Variants in GLS observed in about 807,000 individuals in gnomAD.
GLS encodes glutaminase kidney isoform, mitochondrial.
GLS carries 36 observed loss-of-function variants against 86.7 expected under a neutral mutation model. The ratio of observed to expected loss-of-function variants is 0.42; its 90% CI spans 0.32 to 0.55. The LOEUF (loss-of-function observed/expected upper bound fraction) is 0.55, where lower values mean the gene tolerates loss of function less well. Ranked by LOEUF, GLS falls within the 20% of genes least tolerant of loss-of-function variation. The probability of loss-of-function intolerance (pLI) is 0.17; values close to 1 mark genes in which losing one functional copy is unlikely to be tolerated. For synonymous variants in GLS, 317 were observed against 305.9 expected (o/e 1.04, Z -0.38); for missense variants, 528 against 833.4 (o/e 0.63, Z 4.51).
chr2:190,906,070 A>G (rs1689126280), intron 6 of GLS, among the ~76,000 whole-genome samples: 1 of 151,992 alleles, frequency 6.6e-6, no homozygotes, highest in Non-Finnish European at 1.5e-5. Context: ...GAGCAGTTAC[A>G]TTTTCTTTCC....
intron 14 of GLS, 95 bp downstream of exon 14, chr2:190,931,732 G>T: frequency 1.7e-6 from 1 of 585,318 alleles, no homozygotes. Flanking sequence ...TTTGTTAGTG[G>T]CCTCGGGTCT....
chr2:190,890,883 C>T (rs1165077592), intron 1 of GLS, among the ~76,000 whole-genome samples: 1 of 150,094 alleles, frequency 6.7e-6, no homozygotes, highest in Non-Finnish European at 1.5e-5. Context: ...AAGAGTTATG[C>T]GAAAAAAAAA....
Position 190,954,126 on chromosome 2 carries a change from A to G in GLS, c.1713-458A>G, listed in dbSNP as rs951131393. 6.6e-6 allele frequency among the ~76,000 whole-genome samples: 1 copy of G among 151,834 alleles called. No homozygotes were observed. Among genetic ancestry groups the G allele is most frequent in the Non-Finnish European group, 1.5e-5 (1 of 67,966 alleles). ...TTTTTTTCTCCCATTAATACCTCAAATAACTGATTTTCAAAGTGGAAAAAT... is the reference window on the plus strand; with the variant it reads ...TTTTTTTCTCCCATTAATACCTCAAGTAACTGATTTTCAAAGTGGAAAAAT... On this transcript the variant is annotated intron_variant, in intron 15 of 17. Coordinates refer to ENST00000320717, the MANE Select transcript of GLS (RefSeq NM_014905.5). The surrounding 1 kb of genome is among the most constrained non-coding windows in gnomAD (Gnocchi z 4.0).
intron 7 of GLS, among the ~76,000 whole-genome samples, chr2:190,912,266 G>A (rs1214530730): frequency 6.6e-6 from 1 of 151,512 alleles, no homozygotes; most frequent in Non-Finnish European, 1.5e-5. Flanking sequence ...AGTTGGAAAT[G>A]AGGCTTCAGG....
intron 14 of GLS, chr2:190,933,532 G>T: frequency 1.1e-6 from 1 of 942,224 alleles, no homozygotes; most frequent in South Asian, 4.9e-5. Flanking sequence ...GTTATATACA[G>T]GAGTGTCTTA....
At chr2:190,886,322 GT>G in intron 1 of GLS, among the ~76,000 whole-genome samples, 1 of 152,124 alleles carries the variant, frequency 6.6e-6, no homozygotes, top group Non-Finnish European at 1.5e-5. Context: ...TTAATTTATA[GT>G]TTTATTAATA....
At chr2:190,928,708 C>CTTT (rs34693346) in intron 12 of GLS, among the ~76,000 whole-genome samples, 11 of 136,414 alleles carry the variant, frequency 8.1e-5, no homozygotes, top group African/African-American at 2.2e-4. Context: ...GTTTTGTCTC[C>CTTT]TTTTTTTTTT....
chr2:190,950,445 CAT>C (rs765320394), intron 14 of GLS, among the ~76,000 whole-genome samples: 1 of 152,142 alleles, frequency 6.6e-6, no homozygotes, highest in African/African-American at 2.4e-5. Flanking sequence ...GGATTCCAAA[CAT>C]ATTTTGCAGG....
chr2:190,881,752 C>T (rs971690691), intron 1 of GLS, among the ~76,000 whole-genome samples: 1 of 152,182 alleles, frequency 6.6e-6, no homozygotes, highest in African/African-American at 2.4e-5. Context: ...GCCTGGCGTC[C>T]CCAGCGCCAG....
Position 190,920,928 on chromosome 2 carries a change from A to T in GLS, c.1039-96A>T. ...CTAGATTTAAAAATACTAATGCAGT[A>T]TATTATAATAGTAGCTTTGAAATTT... On this transcript the variant is annotated intron_variant, in intron 7 of 17. Transcript: ENST00000320717. This position sits in a 1 kb window ranked among gnomAD's most constrained non-coding sequence, Gnocchi z 4.2. 1.5e-6 allele frequency: 1 copy of T among 672,690 alleles called. No homozygotes were observed. The highest frequency in any genetic ancestry group is 2.7e-5 in the East Asian group (1 of 37,340). 41.7% of individuals were successfully genotyped at this position (672,690 alleles called of 1,614,324 possible). A position where few individuals can be genotyped will look rare whatever the true frequency, so the allele number is the denominator to read the frequency against.
In GLS at chr2:190,935,457, A is replaced by G. The variant is rs1690244605; in HGVS notation, c.1650+3820A>G. Among the ~76,000 whole-genome samples, 1 of 151,190 alleles carries G rather than the reference A, an allele frequency of 6.6e-6. No homozygotes were observed. The highest frequency in any genetic ancestry group is 2.4e-5 in the African/African-American group (1 of 41,376). On this transcript the variant is annotated intron_variant, in intron 14 of 17. Coordinates refer to ENST00000320717, the MANE Select transcript of GLS (RefSeq NM_014905.5). This position sits in a 1 kb window ranked among gnomAD's most constrained non-coding sequence, Gnocchi z 4.2. ...GCCTCAAAGTAAACTAGAAATATTC[A>G]AAAGGGCTTTATTTGATTTTTTAAA...
chr2:190,945,673 A>AAAAG (rs112220351), intron 14 of GLS, among the ~76,000 whole-genome samples: 2,160 of 152,104 alleles, frequency 0.014, 57 homozygotes, highest in African/African-American at 0.048. Flanking sequence ...TCAAAAAAAA[A>AAAAG]AAAGAAAAAA....
rs1396867914 is a variant in GLS at position 190,938,183 on chromosome 2, G to T, written c.1650+6546G>T. ...GTACATAGTATGATTAAAAATAATGGTATTTTTTCATTAGGTATTTACCTT... is the reference window on the plus strand; with the variant it reads ...GTACATAGTATGATTAAAAATAATGTTATTTTTTCATTAGGTATTTACCTT... On this transcript the variant is annotated intron_variant, in intron 14 of 17. Transcript: ENST00000320717. The surrounding 1 kb of genome is among the most constrained non-coding windows in gnomAD (Gnocchi z 4.1). 6.6e-6 allele frequency among the ~76,000 whole-genome samples: 1 copy of T among 151,234 alleles called. No individual in the cohort carries two copies. The highest frequency in any genetic ancestry group is 1.5e-5 in the Non-Finnish European group (1 of 67,440).
intron 7 of GLS, among the ~76,000 whole-genome samples, chr2:190,917,952 A>G (rs941388167): frequency 6.6e-6 from 1 of 152,156 alleles, no homozygotes; most frequent in African/African-American, 2.4e-5. Context: ...TTTGAGCCGT[A>G]GGTTTCAACA....
chr2:190,920,431 T>G lies in GLS; in HGVS notation c.1039-593T>G, dbSNP rs951316253. Reference sequence around the variant, plus strand: ...TTTTAGAGACTGTGAAATATAATTTTTTTTAGTTCAAGTATATTATAGCAA... The same window carrying G: ...TTTTAGAGACTGTGAAATATAATTTGTTTTAGTTCAAGTATATTATAGCAA... On this transcript the variant is annotated intron_variant, in intron 7 of 17. Coordinates refer to ENST00000320717, the MANE Select transcript of GLS (RefSeq NM_014905.5). The surrounding 1 kb of genome is among the most constrained non-coding windows in gnomAD (Gnocchi z 4.2). 1.3e-5 allele frequency among the ~76,000 whole-genome samples: 2 copies of G among 151,904 alleles called. No individual in the cohort carries two copies. The highest frequency in any genetic ancestry group is 3.0e-5 in the Non-Finnish European group (2 of 67,776).
rs1688120157 is a variant in GLS, at chr2:190,880,902, A to AGCAGCAGCACCC, written c.-174_-173insCCCGCAGCAGCA. 2.2e-6 allele frequency: 2 copies of AGCAGCAGCACCC among 904,112 alleles called. No homozygotes were observed. The highest frequency in any genetic ancestry group is 1.7e-5 in the African/African-American group (1 of 58,872). The allele number at this position is 904,112 out of a possible 1,614,324, so 56.0% of individuals were successfully genotyped here. A position where few individuals can be genotyped will look rare whatever the true frequency, so the allele number is the denominator to read the frequency against. ...CAGCAGCAGCAGCAGCAGCAGCAGCAGCAGCAGCAGCAGCAGCACCCGCAT... is the reference window on the plus strand; with the variant it reads ...CAGCAGCAGCAGCAGCAGCAGCAGCAGCAGCAGCACCCGCAGCAGCAGCAGCAGCACCCGCAT... On this transcript the variant is annotated 5_prime_UTR_variant, in exon 1 of 18. Transcript: ENST00000320717.
chr2:190,963,204 C>T lies in GLS; in HGVS notation c.*218C>T, dbSNP rs941057775. 1.5e-5 allele frequency: 6 copies of T among 398,596 alleles called. No individual in the cohort carries two copies. The highest frequency in any genetic ancestry group is 4.1e-5 in the African/African-American group (2 of 48,390). 24.7% of individuals were successfully genotyped at this position (398,596 alleles called of 1,614,324 possible). On this transcript the variant is annotated 3_prime_UTR_variant, in exon 18 of 18. Transcript: ENST00000320717. The stretch of plus-strand genomic sequence containing the variant: ...CTCCATAATGTGAGCAATATTACCT[C>T]GTGCATTGTATAATTTGATGTAAAA...
intron 12 of GLS, among the ~76,000 whole-genome samples, chr2:190,928,846 A>G (rs1305240888): frequency 1.2e-5 from 1 of 82,382 alleles, no homozygotes; most frequent in Non-Finnish European, 2.3e-5. Context: ...CCTCTGTTCC[A>G]TTGTCCCTTG....
chr2:190,913,831 C>T lies in GLS; in HGVS notation c.1038+3510C>T, dbSNP rs1397843163. The T allele has an allele frequency of 9.3e-6, 6 of 642,476 alleles. No homozygotes were observed. In the African/African-American group the frequency reaches 9.9e-5, roughly 11 times the overall value. The allele number at this position is 642,476 out of a possible 1,614,324, so 39.8% of individuals were successfully genotyped here. Reference sequence around the variant, plus strand: ...TTTTTGTTTTTTAGAGACAAGGTCTCTCTCTGTTGCCCAGTCTAAGTGCAG... The same window carrying T: ...TTTTTGTTTTTTAGAGACAAGGTCTTTCTCTGTTGCCCAGTCTAAGTGCAG... On this transcript the variant is annotated intron_variant, in intron 7 of 17. Coordinates refer to ENST00000320717, the MANE Select transcript of GLS (RefSeq NM_014905.5). This position sits in a 1 kb window ranked among gnomAD's most constrained non-coding sequence, Gnocchi z 6.1.
Sources: allele counts gnomAD v4.1 joint callset (sites outside exome capture counted in the v4.1 genomes callset), GRCh38; gene constraint gnomAD v4.1.1; non-coding constraint Gnocchi (gnomAD v3.1); transcripts MANE v1.5; gene names NCBI Gene and HGNC (gene_info 2026-07-23, HGNC 2026-07-21).